SPAG9: variants seen among roughly 807,000 people sequenced by gnomAD.
SPAG9 encodes C-Jun-amino-terminal kinase-interacting protein 4.
SPAG9 carries 35 observed loss-of-function variants against 166.5 expected under a neutral mutation model. The observed-to-expected ratio is 0.21, with a 90% CI of 0.16 to 0.28. SPAG9 has a LOEUF of 0.28. Among genes scored for constraint, SPAG9 ranks in the 10% least tolerant of loss-of-function variants. SPAG9 has a pLI of 1.00. For missense variants in SPAG9, 1,235 were observed against 1,603.3 expected, an observed-to-expected ratio of 0.77 and a Z score of 3.92; for synonymous variants, 534 against 565.5, an observed-to-expected ratio of 0.94 and a Z score of 0.79.
At chr17:51,032,595 T>C (rs1386535009) in intron 5 of SPAG9, among the ~76,000 whole-genome samples, 1 of 152,216 alleles carries the variant, frequency 6.6e-6, no homozygotes, top group Non-Finnish European at 1.5e-5. Flanking sequence ...TGGAAATTCA[T>C]CAAAGTCTTT....
chr17:51,002,749 C>A (rs553253562), intron 12 of SPAG9, among the ~76,000 whole-genome samples: 33 of 151,648 alleles, frequency 2.2e-4, no homozygotes, highest in Admixed American at 1.3e-4. Flanking sequence ...AGAGTGCAAT[C>A]CTGTCTTTAA....
Position 51,043,180 on chromosome 17 carries a change from A to G in SPAG9, c.591-1529T>C, listed in dbSNP as rs1243241670. ...GCTAGGATTACAGGTGTGAGCCACCACACCTGGCCAAGAGGGTAAATTTTA... is the reference window on the plus strand; with the variant it reads ...GCTAGGATTACAGGTGTGAGCCACCGCACCTGGCCAAGAGGGTAAATTTTA... On this transcript the variant is annotated intron_variant, in intron 4 of 29. Coordinates refer to ENST00000262013, the MANE Select transcript of SPAG9 (RefSeq NM_001130528.3). Among the ~76,000 whole-genome samples, 5 of 152,106 alleles carry G rather than the reference A, an allele frequency of 3.3e-5. No homozygotes were observed. The East Asian group carries it at 9.6e-4, about 29-fold the overall frequency.
intron 14 of SPAG9, chr17:50,999,344 G>A (rs1336242693): frequency 7.3e-6 from 5 of 689,164 alleles, no homozygotes; most frequent in Non-Finnish European, 9.0e-6. Flanking sequence ...CTTATTTAAT[G>A]GGGATCCAGG....
intron 1 of SPAG9, among the ~76,000 whole-genome samples, chr17:51,086,623 T>C (rs906713611): frequency 1.3e-5 from 2 of 151,820 alleles, no homozygotes; most frequent in African/African-American, 4.8e-5. Context: ...ACTTCACTCC[T>C]GCCTGGGCAA....
chr17:51,109,153 C>T (rs1009795623), intron 1 of SPAG9, among the ~76,000 whole-genome samples: 3 of 152,030 alleles, frequency 2.0e-5, no homozygotes, highest in Non-Finnish European at 2.9e-5. Flanking sequence ...TGAGCCACCA[C>T]GCCTGGCCAA....
At chr17:51,031,459 T>C (rs1267708255) in intron 6 of SPAG9, 1 of 549,530 alleles carries the variant, frequency 1.8e-6, no homozygotes, top group Non-Finnish European at 3.2e-6. Context: ...TTTCTTTCCT[T>C]TATTTAAAAA....
chr17:50,977,658 G>A (rs571846244), intron 26 of SPAG9, among the ~76,000 whole-genome samples: 12 of 152,266 alleles, frequency 7.9e-5, no homozygotes, highest in African/African-American at 2.9e-4. Flanking sequence ...GATCCTACAA[G>A]GTGGGATGAC....
intron 5 of SPAG9, 126 bp from the exon 6 acceptor site, chr17:51,031,848 A>T (rs755879876): frequency 3.2e-5 from 25 of 769,644 alleles, no homozygotes; most frequent in Non-Finnish European, 5.2e-5. Context: ...TGTGTTTAAA[A>T]TGAGGGTTTG....
chr17:50,999,826 A>G, intron 13 of SPAG9, 109 bp from the exon 14 acceptor site: 2 of 807,252 alleles, frequency 2.5e-6, no homozygotes, highest in African/African-American at 1.7e-5. Flanking sequence ...AGGGGAGTCA[A>G]CAATTAAGTT....
chr17:51,005,166 CA>C, intron 12 of SPAG9, 45 bp downstream of exon 12: 1 of 1,553,826 alleles, frequency 6.4e-7, no homozygotes, highest in Non-Finnish European at 8.9e-7. Context: ...CCCGAAACAC[CA>C]AAACATGGTA....
At chr17:51,098,809 T>G (rs539990725) in intron 1 of SPAG9, among the ~76,000 whole-genome samples, 1 of 150,646 alleles carries the variant, frequency 6.6e-6, no homozygotes, top group South Asian at 2.2e-4. Flanking sequence ...TTTAAAGAAT[T>G]GGTTACTTTG....
chr17:51,046,142 A>T (rs556060097), intron 4 of SPAG9, among the ~76,000 whole-genome samples: 1 of 152,328 alleles, frequency 6.6e-6, no homozygotes, highest in African/African-American at 2.4e-5. Flanking sequence ...AGCATAAAAG[A>T]TATTTGTCCC....
At chr17:51,010,578 A>ATATATATATATATATATATAT (rs200072916) in intron 9 of SPAG9, among the ~76,000 whole-genome samples, 4 of 141,686 alleles carry the variant, frequency 2.8e-5, no homozygotes, top group African/African-American at 1.1e-4. Context: ...GAAAAAAAAA[A>ATATATATATATATATATATAT]AAAAATATAT....
At chr17:51,064,188 T>C (rs957054124) in intron 2 of SPAG9, among the ~76,000 whole-genome samples, 1 of 152,218 alleles carries the variant, frequency 6.6e-6, no homozygotes, top group East Asian at 1.9e-4. Context: ...TATATTCAGA[T>C]GTGTCACTGA....
chr17:51,087,777 C>T (rs72826438), intron 1 of SPAG9, among the ~76,000 whole-genome samples: 10,700 of 152,186 alleles, frequency 0.07, 398 homozygotes, highest in Non-Finnish European at 0.089. Context: ...TTCTGTCATC[C>T]AGGCTGGAAG....
intron 28 of SPAG9, among the ~76,000 whole-genome samples, chr17:50,971,326 A>G (rs1973786818): frequency 6.6e-6 from 1 of 152,090 alleles, no homozygotes; most frequent in South Asian, 2.1e-4. Context: ...ACAAACAAAC[A>G]AACAAACAAA....
rs1456222143 is a variant in SPAG9 at position 50,964,320 on chromosome 17, G to A, written c.*1952C>T. The A allele has an allele frequency of 2.0e-5, 3 of 152,324 alleles. No individual in the cohort carries two copies. Among genetic ancestry groups the A allele is most frequent in the African/African-American group, 7.2e-5 (3 of 41,434 alleles). 9.4% of individuals were successfully genotyped at this position (152,324 alleles called of 1,614,324 possible). A position where few individuals can be genotyped will look rare whatever the true frequency, so the allele number is the denominator to read the frequency against. On this transcript the variant is annotated 3_prime_UTR_variant, in exon 30 of 30. Transcript: ENST00000262013. ...AGCTTTGCTTCGGACCGGCGCGGGGGCTCACGCCTGTAATTCAAGCACTTC... is the reference window on the plus strand; with the variant it reads ...AGCTTTGCTTCGGACCGGCGCGGGGACTCACGCCTGTAATTCAAGCACTTC...
rs1370203843 is a variant in SPAG9 at position 50,977,184 on chromosome 17, T to C, written c.3447A>G (p.Thr1149=). ...GKLGFSFVRI[T]ALMVSCNRLW... is the part of the protein sequence containing the mutation. ...AACGATTACAAGACACCATAAGAGC[T>C]GTAATTCTCACAAAAGAGAAGCCCA... Residue 1149 remains threonine, a synonymous_variant, in exon 27 of 30, where the codon ACA becomes ACG. Transcript: ENST00000262013. 6 of 1,613,578 alleles carry C rather than the reference T, an allele frequency of 3.7e-6. No individual in the cohort carries two copies. Among genetic ancestry groups the C allele is most frequent in the Non-Finnish European group, 5.1e-6 (6 of 1,179,764 alleles).
At chr17:51,009,644 G>C (rs990076758) in intron 9 of SPAG9, among the ~76,000 whole-genome samples, 7 of 152,058 alleles carry the variant, frequency 4.6e-5, no homozygotes, top group African/African-American at 1.7e-4. Context: ...TTGCATCAAT[G>C]ATACAACAGC....
Sources: gnomAD v4.1 joint callset for allele counts (sites outside exome capture counted in the v4.1 genomes callset) on GRCh38, gnomAD v4.1.1 for gene constraint, MANE v1.5 for transcripts, NCBI Gene and HGNC (gene_info 2026-07-23, HGNC 2026-07-21) for gene names.